The following NXPE2 variants were observed in gnomAD, a reference collection of about 807,000 sequenced individuals.
NXPE2 encodes NXPE family member 2.
In NXPE2, 34 loss-of-function variants were observed where a neutral mutation model predicts 34.4. That is an observed-to-expected ratio of 0.99 (90% CI 0.75 to 1.31). The LOEUF (loss-of-function observed/expected upper bound fraction) is 1.31. Among genes scored for constraint, NXPE2 ranks in the 40% most tolerant of loss-of-function variants. The probability of loss-of-function intolerance (pLI) is 0.00; values close to 1 mark genes in which losing one functional copy is unlikely to be tolerated. For missense variants in NXPE2, 649 were observed against 672.5 expected, an observed-to-expected ratio of 0.97 and a Z score of 0.39; for synonymous variants, 235 against 231.3, an observed-to-expected ratio of 1.02 and a Z score of -0.15.
At chr11:114,659,658 G>T in the NXPE2 span, among the ~76,000 whole-genome samples, 1 of 152,088 alleles carries the variant, frequency 6.6e-6, no homozygotes, top group East Asian at 1.9e-4. Flanking sequence ...CAAAATATGG[G>T]GATGCAGGTA....
the NXPE2 span, among the ~76,000 whole-genome samples, chr11:114,638,789 A>T: frequency 3.3e-5 from 5 of 151,880 alleles, no homozygotes; most frequent in Non-Finnish European, 7.4e-5. Flanking sequence ...GATTTTCGTG[A>T]ACCGTGAATG....
At chr11:114,575,264 C>A in the NXPE2 span, among the ~76,000 whole-genome samples, 1 of 152,068 alleles carries the variant, frequency 6.6e-6, no homozygotes, top group Non-Finnish European at 1.5e-5. Context: ...TGAAAGCATT[C>A]CCTCTGAGAA....
rs762010380 is a variant in NXPE2, at chr11:114,679,609, C to T, written c.27-48C>T. 5.5e-5 allele frequency: 65 copies of T among 1,175,808 alleles called. 1 individual carries two copies. The highest frequency in any genetic ancestry group is 7.7e-5 in the Non-Finnish European group (63 of 813,152). The allele number at this position is 1,175,808 out of a possible 1,614,324, so 72.8% of individuals were successfully genotyped here. On this transcript the variant is annotated intron_variant, in intron 1 of 5. Transcript: ENST00000389586. ...GGAACCAAAGTGTACGGAGCCATGT[C>T]GTACTTATTTGATTTAATGTGATTA... is the stretch of plus-strand genomic sequence containing the variant.
the NXPE2 span, chr11:114,594,616 T>C: frequency 3.3e-6 from 4 of 1,199,762 alleles, no homozygotes; most frequent in East Asian, 2.3e-5. Flanking sequence ...GATGAGGTAA[T>C]AAGCAAAAAT....
chr11:114,532,754 G>A, the NXPE2 span, among the ~76,000 whole-genome samples: 7 of 152,032 alleles, frequency 4.6e-5, no homozygotes, highest in South Asian at 2.1e-4. Flanking sequence ...AAAGTATATA[G>A]GTAGATTAGA....
chr11:114,595,370 C>T, the NXPE2 span, among the ~76,000 whole-genome samples: 1 of 152,112 alleles, frequency 6.6e-6, no homozygotes, highest in Admixed American at 6.6e-5. Context: ...TCTCTTTGCA[C>T]CGGAATTCCA....
chr11:114,578,629 T>C, the NXPE2 span, among the ~76,000 whole-genome samples: 12 of 152,194 alleles, frequency 7.9e-5, no homozygotes, highest in Non-Finnish European at 1.8e-4. Context: ...TTTGAGATCA[T>C]GAGTGGCCTC....
chr11:114,514,906 T>C, the NXPE2 span, among the ~76,000 whole-genome samples: 1 of 152,082 alleles, frequency 6.6e-6, no homozygotes, highest in Non-Finnish European at 1.5e-5. Flanking sequence ...TAATAAACTA[T>C]ATATTTATAT....
chr11:114,606,844 C>T, the NXPE2 span, among the ~76,000 whole-genome samples: 8 of 151,778 alleles, frequency 5.3e-5, no homozygotes, highest in Non-Finnish European at 8.8e-5. Context: ...AGTGTTGCCT[C>T]GTGGGTAATC....
chr11:114,662,832 C>G, the NXPE2 span, among the ~76,000 whole-genome samples: 2 of 152,160 alleles, frequency 1.3e-5, no homozygotes, highest in African/African-American at 4.8e-5. Flanking sequence ...GGAAAGGACC[C>G]AGTCCTGGCA....
the NXPE2 span, among the ~76,000 whole-genome samples, chr11:114,652,582 T>C: frequency 6.6e-6 from 1 of 152,232 alleles, no homozygotes; most frequent in Admixed American, 6.5e-5. Context: ...ACAGTGAGTG[T>C]TGCTCGACAT....
the NXPE2 span, among the ~76,000 whole-genome samples, chr11:114,592,200 G>T: frequency 2.0e-5 from 3 of 152,018 alleles, no homozygotes; most frequent in African/African-American, 7.2e-5. Context: ...AATAAATAAA[G>T]GGCATACAAG....
chr11:114,773,389 C>T, the NXPE2 span, among the ~76,000 whole-genome samples: 119 of 151,432 alleles, frequency 7.9e-4, no homozygotes, highest in African/African-American at 2.7e-3. Flanking sequence ...AAGAACCCCC[C>T]GCCCCTTTGC....
At chr11:114,563,654 G>T in the NXPE2 span, among the ~76,000 whole-genome samples, 1 of 152,180 alleles carries the variant, frequency 6.6e-6, no homozygotes, top group East Asian at 1.9e-4. Context: ...TCAAAAAGTG[G>T]GCTAAGGACA....
At chr11:114,530,277 C>G in the NXPE2 span, 1 of 1,614,096 alleles carries the variant, frequency 6.2e-7, no homozygotes, top group African/African-American at 1.3e-5. Flanking sequence ...AGGCTTCATA[C>G]AATAGAAGGC....
chr11:114,766,410 C>G, the NXPE2 span, among the ~76,000 whole-genome samples: 1 of 152,170 alleles, frequency 6.6e-6, no homozygotes, highest in Non-Finnish European at 1.5e-5. Flanking sequence ...CTCACTGACT[C>G]TACATCTACA....
intron 3 of NXPE2, among the ~76,000 whole-genome samples, chr11:114,699,136 G>A (rs1306116973): frequency 6.6e-6 from 1 of 152,128 alleles, no homozygotes; most frequent in Non-Finnish European, 1.5e-5. Flanking sequence ...AAAAAGTGGT[G>A]AATGATATCA....
At chr11:114,584,089 AG>A in the NXPE2 span, 1 of 297,068 alleles carries the variant, frequency 3.4e-6, no homozygotes, top group Non-Finnish European at 6.6e-6. Flanking sequence ...TGATCATCAA[AG>A]GGCATGCCAA....
chr11:114,651,438 G>A, the NXPE2 span, among the ~76,000 whole-genome samples: 1 of 152,178 alleles, frequency 6.6e-6, no homozygotes, highest in African/African-American at 2.4e-5. Context: ...GAGTGTTACA[G>A]CTCATAAAGG....
Sources: gnomAD v4.1 joint callset for allele counts (sites outside exome capture counted in the v4.1 genomes callset) on GRCh38, gnomAD v4.1.1 for gene constraint, MANE v1.5 for transcripts, NCBI Gene and HGNC (gene_info 2026-07-23, HGNC 2026-07-21) for gene names.